The following DYSF variants were observed in gnomAD, a reference collection of about 807,000 sequenced individuals.
DYSF encodes dysferlin.
A neutral mutation model predicts 274.9 loss-of-function variants in DYSF; 212 were observed. The ratio of observed to expected loss-of-function variants is 0.77; its 90% CI spans 0.69 to 0.86. The LOEUF (loss-of-function observed/expected upper bound fraction) is 0.86. Ranked by LOEUF, DYSF falls within the 40% of genes least tolerant of loss-of-function variation. The pLI is 0.00. For missense variants in DYSF, 2,666 were observed against 2,783.2 expected (o/e 0.96, Z 0.95); for synonymous variants, 1,091 against 1,078.7 (o/e 1.01, Z -0.22).
chr2:71,458,468 G>A (rs2152628341), intron 1 of DYSF, among the ~76,000 whole-genome samples: 1 of 152,292 alleles, frequency 6.6e-6, no homozygotes, highest in East Asian at 1.9e-4. Flanking sequence ...CAGGGACACT[G>A]GGCCTGTCTT....
At chr2:71,599,417 G>C (rs2093488378) in intron 33 of DYSF, among the ~76,000 whole-genome samples, 1 of 152,258 alleles carries the variant, frequency 6.6e-6, no homozygotes, top group African/African-American at 2.4e-5. Context: ...AATAGCTGCA[G>C]GTGGCTGGTG....
At chr2:71,634,628 C>T (rs2094367086) in intron 41 of DYSF, among the ~76,000 whole-genome samples, 1 of 152,206 alleles carries the variant, frequency 6.6e-6, no homozygotes, top group Non-Finnish European at 1.5e-5. Context: ...CTTAATCTCT[C>T]CTGTGAGCCC....
intron 35 of DYSF, 39 bp downstream of exon 35, chr2:71,601,567 G>C: frequency 6.2e-7 from 1 of 1,613,616 alleles, no homozygotes; most frequent in Non-Finnish European, 8.5e-7. Context: ...CAAACTGATT[G>C]CCAGTCTCCC....
chr2:71,630,123 C>T (rs2094288305), intron 41 of DYSF, among the ~76,000 whole-genome samples: 1 of 152,160 alleles, frequency 6.6e-6, no homozygotes, highest in South Asian at 2.1e-4. Flanking sequence ...TTGTCAAATA[C>T]TGGGACCTCA....
chr2:71,560,278 G>T (rs1378129592), intron 22 of DYSF, among the ~76,000 whole-genome samples: 1 of 152,154 alleles, frequency 6.6e-6, no homozygotes, highest in East Asian at 1.9e-4. Flanking sequence ...TCTCCCTTTG[G>T]TGGTCTGTAC....
At chr2:71,612,899 T>C in intron 39 of DYSF, 93 bp downstream of exon 39, 1 of 1,435,862 alleles carries the variant, frequency 7.0e-7, no homozygotes, top group South Asian at 1.4e-5. Context: ...GAAACCCTTC[T>C]CTTACGGAGA....
intron 41 of DYSF, among the ~76,000 whole-genome samples, chr2:71,632,010 G>C (rs1026874138): frequency 1.3e-5 from 2 of 152,006 alleles, no homozygotes; most frequent in African/African-American, 4.8e-5. Flanking sequence ...TCTTTCCCCT[G>C]GTCTGAGAGG....
At chr2:71,643,001 T>G (rs2094510199) in intron 41 of DYSF, among the ~76,000 whole-genome samples, 1 of 152,132 alleles carries the variant, frequency 6.6e-6, no homozygotes, top group Admixed American at 6.6e-5. Context: ...CCTTGGCCCT[T>G]CCCACTAAAC....
intron 4 of DYSF, among the ~76,000 whole-genome samples, chr2:71,510,567 C>T (rs1192680602): frequency 6.6e-6 from 1 of 152,198 alleles, no homozygotes; most frequent in Non-Finnish European, 1.5e-5. Flanking sequence ...CAGTGCTGCT[C>T]TCCTTAGTGT....
rs1337417322 is a variant in DYSF, at chr2:71,516,183, CTT to C, written c.895_896del (p.Phe299LeufsTer5). 1 of 1,614,218 alleles carries C rather than the reference CTT, an allele frequency of 6.2e-7. No individual in the cohort carries two copies. Among genetic ancestry groups the C allele is most frequent in the East Asian group, 2.2e-5 (1 of 44,876 alleles). On this transcript the variant is annotated frameshift_variant, in exon 9 of 56. Coordinates refer to ENST00000410020, the MANE Select transcript of DYSF (RefSeq NM_001130987.2). LOFTEE classifies it high-confidence loss of function. ...TCTCTTTGCTCTGAACCAACAGACT[CTT>C]TTCTTCAACTTGTTTGACTCTCCTG... is the stretch of plus-strand genomic sequence containing the variant. ...KGNSPLFNETLFFNLFDSPGE... is the reference protein window; with the variant it reads ...KGNSPLFNETXFFNLFDSPGE...
chr2:71,475,056 C>T (rs955065439), intron 1 of DYSF, among the ~76,000 whole-genome samples: 8 of 152,180 alleles, frequency 5.3e-5, no homozygotes, highest in African/African-American at 1.7e-4. Flanking sequence ...TATGAGTCCT[C>T]CCTAAGGTCA....
intron 20 of DYSF, 127 bp from the exon 21 acceptor site, chr2:71,553,680 C>G: frequency 1.6e-6 from 2 of 1,218,312 alleles, no homozygotes; most frequent in Non-Finnish European, 2.3e-6. Flanking sequence ...CTCTGTCCCA[C>G]GTGTGGTCCC....
intron 38 of DYSF, 111 bp from the exon 39 acceptor site, chr2:71,612,530 T>C: frequency 1.3e-6 from 2 of 1,519,704 alleles, no homozygotes. Flanking sequence ...ATTTTGGATT[T>C]CTGGCTGTGG....
chr2:71,455,451 C>G (rs2081020773), intron 1 of DYSF, among the ~76,000 whole-genome samples: 1 of 152,168 alleles, frequency 6.6e-6, no homozygotes, highest in Non-Finnish European at 1.5e-5. Context: ...TTGATCTGCT[C>G]TCAATCAGTT....
In DYSF at chr2:71,532,659, G is replaced by A. The variant is rs117610291; in HGVS notation, c.1381-2362G>A. Among the ~76,000 whole-genome samples, 89 of 152,352 alleles carry A rather than the reference G, an allele frequency of 5.8e-4. 2 individuals are homozygous for A. In the East Asian group the frequency reaches 0.011, roughly 19 times the overall value. On this transcript the variant is annotated intron_variant, in intron 14 of 55. Transcript: ENST00000410020. ...GATGGAGGAGGGCCAGATGCCTGGG[G>A]CAGGGGCTGAAGTAGCCCGTGTGCA... is the stretch of plus-strand genomic sequence containing the variant.
intron 36 of DYSF, among the ~76,000 whole-genome samples, chr2:71,603,607 G>A (rs1345432798): frequency 1.3e-5 from 2 of 152,202 alleles, no homozygotes; most frequent in Non-Finnish European, 2.9e-5. Flanking sequence ...CACAGGCCCC[G>A]CACCCCTTAC....
At chr2:71,575,391 G>A (rs1032323186) in intron 30 of DYSF, among the ~76,000 whole-genome samples, 2 of 152,166 alleles carry the variant, frequency 1.3e-5, no homozygotes, top group African/African-American at 2.4e-5. Flanking sequence ...CATAGGCTTC[G>A]GAGAGAGCCC....
intron 17 of DYSF, among the ~76,000 whole-genome samples, chr2:71,546,873 G>C (rs908154580): frequency 6.6e-6 from 1 of 152,254 alleles, no homozygotes; most frequent in Non-Finnish European, 1.5e-5. Flanking sequence ...GGGGCAGACC[G>C]CAGGTGATGG....
At chr2:71,492,723 G>A (rs78822991) in intron 3 of DYSF, among the ~76,000 whole-genome samples, 4,416 of 109,122 alleles carry the variant, frequency 0.04, 108 homozygotes, top group Middle Eastern at 0.091. Flanking sequence ...TCTTTCTCTC[G>A]TCTCTCCCTT....
Sources: gnomAD v4.1 joint callset for allele counts (sites outside exome capture counted in the v4.1 genomes callset) on GRCh38, gnomAD v4.1.1 for gene constraint, MANE v1.5 for transcripts, NCBI Gene and HGNC (gene_info 2026-07-23, HGNC 2026-07-21) for gene names.